The following PCDHGB6 variants were observed in gnomAD, a reference collection of about 807,000 sequenced individuals.
PCDHGB6 encodes the protein protocadherin gamma subfamily B, 6.
PCDHGB6 carries 51 observed loss-of-function variants against 59.1 expected under a neutral mutation model. The ratio of observed to expected loss-of-function variants is 0.86; its 90% CI spans 0.69 to 1.09. The LOEUF is 1.09. PCDHGB6 is among the 50% of genes least tolerant of loss of function. The pLI is 0.00. For synonymous variants in PCDHGB6, 466 were observed against 495.1 expected, an observed-to-expected ratio of 0.94 and a Z score of 0.78; for missense variants, 1,148 against 1,205.1, an observed-to-expected ratio of 0.95 and a Z score of 0.70.
rs1244735686 is a variant in PCDHGB6 at position 141,432,142 on chromosome 5, C to A, written c.2418+21522C>A. 1 of 1,614,098 alleles carries A rather than the reference C, an allele frequency of 6.2e-7. No homozygotes were observed. The highest frequency in any genetic ancestry group is 1.1e-5 in the South Asian group (1 of 91,066). On this transcript the variant is annotated intron_variant, in intron 1 of 3. Transcript: ENST00000520790. This position sits in a 1 kb window ranked among gnomAD's most constrained non-coding sequence, Gnocchi z 6.0. ...CTCAGGCCTCCTATTCCGCTTATAT[C>A]CCAGAGAACAATCCCAGAGGAGTTT...
At chr5:141,501,333 A>ACC (rs1554187333) in intron 2 of PCDHGB6, among the ~76,000 whole-genome samples, 192 of 140,118 alleles carry the variant, frequency 1.4e-3, no homozygotes, top group Admixed American at 5.6e-3. Flanking sequence ...ACACACACAC[A>ACC]CCCCAAACTC....
At chr5:141,428,010 G>A in intron 1 of PCDHGB6, 1 of 1,603,006 alleles carries the variant, frequency 6.2e-7, no homozygotes, top group Non-Finnish European at 8.5e-7. Flanking sequence ...CTTCGATATA[G>A]TGCCACGCGC....
intron 1 of PCDHGB6, chr5:141,423,057 T>C (rs1443300486): frequency 6.2e-7 from 1 of 1,614,060 alleles, no homozygotes; most frequent in Non-Finnish European, 8.5e-7. Flanking sequence ...ATCGCCTGCT[T>C]AAGGCCAGCG....
Position 141,409,276 on chromosome 5 carries a change from G to A in PCDHGB6, c.1074G>A (p.Glu358=), listed in dbSNP as rs1458443407. 5 of 1,613,882 alleles carry A rather than the reference G, an allele frequency of 3.1e-6. No homozygotes were observed. Among genetic ancestry groups the A allele is most frequent in the African/African-American group, 2.7e-5 (2 of 74,912 alleles). ...IITSLSDQIL[E]NSPPGMVVAL... ...CTTCTCTCTCTGATCAGATTTTGGA[G>A]AATTCACCTCCAGGAATGGTTGTTG... Residue 358 remains glutamate, a synonymous_variant, in exon 1 of 4, where the codon GAG becomes GAA. Coordinates refer to ENST00000520790, the MANE Select transcript of PCDHGB6 (RefSeq NM_018926.3).
At chr5:141,503,325 G>A (rs1002520312) in intron 2 of PCDHGB6, among the ~76,000 whole-genome samples, 10 of 152,104 alleles carry the variant, frequency 6.6e-5, no homozygotes, top group East Asian at 1.9e-4. Flanking sequence ...GGAGGGGCGC[G>A]GTGGCTCACG....
chr5:141,473,680 C>T (rs888876529), intron 1 of PCDHGB6, among the ~76,000 whole-genome samples: 3 of 152,100 alleles, frequency 2.0e-5, no homozygotes, highest in Non-Finnish European at 2.9e-5. Flanking sequence ...CAGGGAAGGG[C>T]TGGGGTTCTG....
chr5:141,421,650 A>G, intron 1 of PCDHGB6: 1 of 1,613,868 alleles, frequency 6.2e-7, no homozygotes, highest in South Asian at 1.1e-5. Flanking sequence ...AAGTGGAGAT[A>G]AAAGTCAGTG....
Position 141,410,287 on chromosome 5 carries a change from C to T in PCDHGB6, c.2085C>T (p.Ala695=), listed in dbSNP as rs1277233674. The change falls in exon 1 of 4, where the codon GCC becomes GCT. Residue 695 remains alanine (A), a synonymous_variant. Coordinates refer to ENST00000520790, the MANE Select transcript of PCDHGB6 (RefSeq NM_018926.3). ...AACTGCAGTTTTACCTGGTGGTGGC[C>T]TTGGCCTTAATCTCAGTGCTCTTCC... ...QAELQFYLVV[A]LALISVLFLL... The T allele has an allele frequency of 6.2e-7, 1 of 1,614,018 alleles. No homozygotes were observed. Among genetic ancestry groups the T allele is most frequent in the East Asian group, 2.2e-5 (1 of 44,866 alleles).
At chr5:141,414,587 G>A (rs775783880) in intron 1 of PCDHGB6, 5 of 1,613,828 alleles carry the variant, frequency 3.1e-6, no homozygotes, top group Non-Finnish European at 8.5e-7. Context: ...AACAACGCCA[G>A]GGGTGCCTCC....
chr5:141,427,556 C>A (rs1022143090), intron 1 of PCDHGB6: 7 of 649,144 alleles, frequency 1.1e-5, no homozygotes, highest in African/African-American at 1.1e-4. Flanking sequence ...CTGCCACTGA[C>A]AAGGGCAAGC....
At position 141,423,537 on chromosome 5, in the gene PCDHGB6, T is replaced by A. The variant is rs201034039; in HGVS notation, c.2418+12917T>A. 1.4e-4 allele frequency: 225 copies of A among 1,613,694 alleles called. 2 individuals carry two copies. In the South Asian group the frequency reaches 2.3e-3, roughly 16 times the overall value. On this transcript the variant is annotated intron_variant, in intron 1 of 3. Coordinates refer to ENST00000520790, the MANE Select transcript of PCDHGB6 (RefSeq NM_018926.3). ...CGGACTCGCAGAAGAGTCACCTGAT[T>A]TTCCCCCAGCCCAACTATGGGGACA...
rs2095317294 is a variant in PCDHGB6 at position 141,409,802 on chromosome 5, G to A, written c.1600G>A (p.Ala534Thr). The A allele has an allele frequency of 6.2e-6, 10 of 1,611,810 alleles. No homozygotes were observed. Among genetic ancestry groups the A allele is most frequent in the Non-Finnish European group, 7.6e-6 (9 of 1,179,234 alleles). The part of the protein sequence containing the change: ...QLRAFALTLQ[A>T]RDHGSPTLSA... ...GCGCGCCTTCGCGCTCACGCTGCAG[G>A]CCCGCGACCACGGCTCGCCCACGCT... Residue 534 changes from alanine to threonine, a missense_variant, in exon 1 of 4, where the codon GCC becomes ACC. Ala to Thr is a moderately conservative substitution (Grantham distance 58). Around this residue, in one of 5 missense-constraint regions of PCDHGB6, gnomAD observed 549 missense variants for 527.5 expected, o/e 1.04. Coordinates refer to ENST00000520790, the MANE Select transcript of PCDHGB6 (RefSeq NM_018926.3).
In PCDHGB6 at chr5:141,485,042, C is replaced by T; in HGVS notation, c.2419-9765C>T. ...CAGCAAAAACGGCGCGTAACCCTTGCGGCGCCGGCCGAACCGCGCCAGAGC... is the reference window on the plus strand; with the variant it reads ...CAGCAAAAACGGCGCGTAACCCTTGTGGCGCCGGCCGAACCGCGCCAGAGC... On this transcript the variant is annotated intron_variant, in intron 1 of 3. Coordinates refer to ENST00000520790, the MANE Select transcript of PCDHGB6 (RefSeq NM_018926.3). This position sits in a 1 kb window ranked among gnomAD's most constrained non-coding sequence, Gnocchi z 5.7. 1 of 724,054 alleles carries T rather than the reference C, an allele frequency of 1.4e-6. No individual in the cohort carries two copies. Among genetic ancestry groups the T allele is most frequent in the South Asian group, 1.8e-5 (1 of 56,650 alleles). 44.9% of individuals were successfully genotyped at this position (724,054 alleles called of 1,614,324 possible). A position where few individuals can be genotyped will look rare whatever the true frequency, so the allele number is the denominator to read the frequency against.
chr5:141,410,437 G>C lies in PCDHGB6; in HGVS notation c.2235G>C (p.Glu745Asp). 1 of 1,614,040 alleles carries C rather than the reference G, an allele frequency of 6.2e-7. No homozygotes were observed. The highest frequency in any genetic ancestry group is 8.5e-7 in the Non-Finnish European group (1 of 1,179,908). The change falls in exon 1 of 4, where the codon GAG becomes GAC. Residue 745 changes from glutamate (E) to aspartate (D), a missense_variant. Glu to Asp is a conservative substitution (Grantham distance 45). Transcript: ENST00000520790. ...SGPVVPPNYSEGTLPYSYNLC... is the reference protein window; with the variant it reads ...SGPVVPPNYSDGTLPYSYNLC... ...CTGTAGTTCCCCCCAACTACAGTGA[G>C]GGGACTTTGCCTTATTCTTATAATC...
intron 1 of PCDHGB6, among the ~76,000 whole-genome samples, chr5:141,482,652 G>C (rs1276348234): frequency 6.6e-6 from 1 of 152,074 alleles, no homozygotes; most frequent in African/African-American, 2.4e-5. Flanking sequence ...GGTGATGCTT[G>C]AGCTATGATC....
At chr5:141,470,037 G>C (rs76537989) in intron 1 of PCDHGB6, among the ~76,000 whole-genome samples, 14 of 152,138 alleles carry the variant, frequency 9.2e-5, no homozygotes, top group Non-Finnish European at 1.5e-4. Flanking sequence ...GCTGAGGCGC[G>C]AGAACTGTTT....
chr5:141,469,155 A>C (rs1342352040), intron 1 of PCDHGB6, among the ~76,000 whole-genome samples: 3 of 152,108 alleles, frequency 2.0e-5, no homozygotes, highest in Admixed American at 1.3e-4. Context: ...ACATGTCTGT[A>C]GTCCCAGCTA....
chr5:141,409,468 C>A lies in PCDHGB6; in HGVS notation c.1266C>A (p.Ile422=). 2.5e-6 allele frequency: 4 copies of A among 1,613,948 alleles called. No individual in the cohort carries two copies. Among genetic ancestry groups the A allele is most frequent in the Non-Finnish European group, 3.4e-6 (4 of 1,179,896 alleles). The change falls in exon 1 of 4, where the codon ATC becomes ATA. Residue 422 remains isoleucine, a synonymous_variant. Transcript: ENST00000520790. ...REQTPEYNVT[I]VATDRGKPPL... ...AGACACCAGAATACAATGTCACCAT[C>A]GTAGCCACTGACAGGGGCAAGCCGC...
chr5:141,421,379 A>G, intron 1 of PCDHGB6: 1 of 1,614,054 alleles, frequency 6.2e-7, no homozygotes, highest in Non-Finnish European at 8.5e-7. Flanking sequence ...AATATCTCCA[A>G]GGACCTGGGG....
Sources: gnomAD v4.1 joint callset for allele counts (sites outside exome capture counted in the v4.1 genomes callset) on GRCh38, gnomAD v4.1.1 for gene constraint, gnomAD v4.1.1 regional missense constraint, Gnocchi (gnomAD v3.1) non-coding constraint, MANE v1.5 for transcripts, NCBI Gene and HGNC (gene_info 2026-07-23, HGNC 2026-07-21) for gene names.